The following DNAJC14 variants were observed in gnomAD, a reference collection of about 807,000 sequenced individuals.
DNAJC14 encodes the protein DnaJ heat shock protein family (Hsp40) member C14.
In DNAJC14, 12 loss-of-function variants were observed where a neutral mutation model predicts 68.8. The observed-to-expected ratio is 0.17, with a 90% CI of 0.11 to 0.28. DNAJC14 has a LOEUF of 0.28. Ranked by LOEUF, DNAJC14 falls within the 10% of genes least tolerant of loss-of-function variation. The pLI, the probability that DNAJC14 is intolerant of heterozygous loss-of-function variation, is 1.00. For synonymous variants in DNAJC14, 350 were observed against 321.5 expected, an observed-to-expected ratio of 1.09 and a Z score of -0.95; for missense variants, 764 against 875.6, an observed-to-expected ratio of 0.87 and a Z score of 1.61.
chr12:55,825,884 G>A (rs1880782290), intron 2 of DNAJC14, among the ~76,000 whole-genome samples: 1 of 152,094 alleles, frequency 6.6e-6, no homozygotes, highest in African/African-American at 2.4e-5. Context: ...ATATTTTCAT[G>A]TATGACATAC....
Position 55,822,363 on chromosome 12 carries a change from T to TA in DNAJC14, c.1898+9dup, listed in dbSNP as rs1381659761. ...ATAGTGGATAGATTATTGACAGAAATACCACCTACCTCTGCCGCCCTCTGG... is the reference window on the plus strand; with the variant it reads ...ATAGTGGATAGATTATTGACAGAAATAACCACCTACCTCTGCCGCCCTCTGG... On this transcript the variant is annotated intron_variant, in intron 6 of 6. Transcript: ENST00000678005. The TA allele has an allele frequency of 6.2e-7, 1 of 1,609,974 alleles. No homozygotes were observed. Among genetic ancestry groups the TA allele is most frequent in the African/African-American group, 1.3e-5 (1 of 74,802 alleles).
chr12:55,827,268 C>T lies in DNAJC14; in HGVS notation c.1391G>A (p.Arg464Lys). ...GGTACTCACCATCACTGCCAGCTGT[C>T]TATAGGCCTTCTTCAGTTCAACATC... ...ASDVELKKAYRQLAVMVHPDK... is the reference protein window; with the variant it reads ...ASDVELKKAYKQLAVMVHPDK... The change falls in exon 2 of 7, where the codon AGA (arginine) becomes AAA (lysine). Residue 464 changes from arginine to lysine, a missense_variant. This residue lies in a region of DNAJC14 where 110 missense variants were observed against 162.7 expected (regional missense o/e 0.68). Coordinates refer to ENST00000678005, the MANE Select transcript of DNAJC14 (RefSeq NM_032364.6). 3.2e-6 allele frequency: 5 copies of T among 1,544,592 alleles called. No individual in the cohort carries two copies. Among genetic ancestry groups the T allele is most frequent in the Non-Finnish European group, 4.4e-6 (5 of 1,144,080 alleles).
intron 2 of DNAJC14, among the ~76,000 whole-genome samples, chr12:55,826,105 G>A (rs1474866952): frequency 2.0e-5 from 3 of 151,918 alleles, no homozygotes; most frequent in Non-Finnish European, 4.4e-5. Context: ...AAGAGCAACT[G>A]AGGTGCTCTC....
In DNAJC14 at chr12:55,828,105, C is replaced by T. The variant is rs776292014; in HGVS notation, c.554G>A (p.Arg185His). The T allele has an allele frequency of 2.5e-6, 4 of 1,600,328 alleles. No homozygotes were observed. The highest frequency in any genetic ancestry group is 2.3e-5 in the South Asian group (2 of 88,826). The change falls in exon 2 of 7, where the codon CGT (arginine) becomes CAT (histidine). Residue 185 changes from arginine to histidine, a missense_variant. By Grantham distance (29) the Arg-to-His change is conservative. Coordinates refer to ENST00000678005, the MANE Select transcript of DNAJC14 (RefSeq NM_032364.6). ...TGGGGGTTTCTTTCCGCTGGACACA[C>T]GTGAAAAATCACTGGGGAACTTGAG... ...ESLKFPSDFS[R>H]VSSGKKPPSR...
chr12:55,823,536 A>G (rs1010018032), intron 2 of DNAJC14, 28 bp from the exon 3 acceptor site: 1 of 1,589,220 alleles, frequency 6.3e-7, no homozygotes, highest in Admixed American at 1.7e-5. Flanking sequence ...TTTCATTACA[A>G]ATCCATTCCA....
intron 2 of DNAJC14, among the ~76,000 whole-genome samples, chr12:55,825,386 TATATTC>T (rs1178995953): frequency 3.3e-5 from 5 of 152,126 alleles, no homozygotes; most frequent in African/African-American, 9.7e-5. Flanking sequence ...ACACCTTACT[TATATTC>T]ATAATAGTTT....
chr12:55,822,820 G>A, intron 4 of DNAJC14, 88 bp from the exon 5 acceptor site: 1 of 1,516,482 alleles, frequency 6.6e-7, no homozygotes, highest in Non-Finnish European at 8.9e-7. Context: ...CACAAATAGG[G>A]CTGAAACATC....
chr12:55,824,541 T>C (rs7316533), intron 2 of DNAJC14, among the ~76,000 whole-genome samples: 5,347 of 152,242 alleles, frequency 0.035, 156 homozygotes, highest in Non-Finnish European at 0.054. Flanking sequence ...CCCAAGCTAA[T>C]TGAACAGCCT....
chr12:55,827,531 A>G lies in DNAJC14; in HGVS notation c.1128T>C (p.Arg376=), dbSNP rs1880829630. The G allele has an allele frequency of 1.9e-6, 3 of 1,606,182 alleles. No individual in the cohort carries two copies. Among genetic ancestry groups the G allele is most frequent in the Non-Finnish European group, 2.6e-6 (3 of 1,173,288 alleles). ...TGCTATCTCTCAGCAGAGTCAAGCA[A>G]CGCTGCAAGGCTGGAGAATCCAGCC... The part of the protein sequence containing the change: ...FSWLDSPALQ[R]CLTLLRDSRP... Residue 376 remains arginine, a synonymous_variant, in exon 2 of 7, where the codon CGT becomes CGC. Coordinates refer to ENST00000678005, the MANE Select transcript of DNAJC14 (RefSeq NM_032364.6).
chr12:55,825,877 T>G (rs1880782218), intron 2 of DNAJC14, among the ~76,000 whole-genome samples: 1 of 152,122 alleles, frequency 6.6e-6, no homozygotes. Context: ...AGCAACCATA[T>G]TTTCATGTAT....
Position 55,822,068 on chromosome 12 carries a change from G to A in DNAJC14, c.2018C>T (p.Ala673Val). The A allele has an allele frequency of 1.9e-6, 3 of 1,614,158 alleles. No homozygotes were observed. The highest frequency in any genetic ancestry group is 2.5e-6 in the Non-Finnish European group (3 of 1,180,010). ...GCTGTTGGGCTTAGAGGCTGCAGCGGCTCCAGGGGCAGGCTGAGGAGCTGC... is the reference window on the plus strand; with the variant it reads ...GCTGTTGGGCTTAGAGGCTGCAGCGACTCCAGGGGCAGGCTGAGGAGCTGC... ...FFAAPQPAPG[A>V]AAASKPNSTV... Residue 673 changes from alanine to valine, a missense_variant, in exon 7 of 7, where the codon GCC becomes GTC. By Grantham distance (64) the Ala-to-Val change is moderately conservative. Around this residue, in one of 4 missense-constraint regions of DNAJC14, gnomAD observed 134 missense variants for 162.3 expected, o/e 0.83. Transcript: ENST00000678005.
chr12:55,822,716 G>A lies in DNAJC14; in HGVS notation c.1651C>T (p.Arg551Trp), dbSNP rs534529653. 3.7e-6 allele frequency: 6 copies of A among 1,613,954 alleles called. No homozygotes were observed. Among genetic ancestry groups the A allele is most frequent in the African/African-American group, 1.3e-5 (1 of 74,978 alleles). ...QGKHRRFEMD[R>W]EPKSARYCAE... ...CAGTATCTGGCACTCTTAGGTTCCCGGTCCATTTCAAACCTCCTGCAACCA... is the reference window on the plus strand; with the variant it reads ...CAGTATCTGGCACTCTTAGGTTCCCAGTCCATTTCAAACCTCCTGCAACCA... The change falls in exon 5 of 7, where the codon CGG (arginine) becomes TGG (tryptophan). Residue 551 changes from arginine to tryptophan, a missense_variant. Arg to Trp is a moderately radical substitution (Grantham distance 101, BLOSUM62 -3). Transcript: ENST00000678005.
rs778687290 is a variant in DNAJC14, at chr12:55,821,933, C to T, written c.*44G>A. The T allele has an allele frequency of 1.3e-6, 2 of 1,565,174 alleles. No individual in the cohort carries two copies. The highest frequency in any genetic ancestry group is 1.7e-6 in the Non-Finnish European group (2 of 1,152,726). On this transcript the variant is annotated 3_prime_UTR_variant, in exon 7 of 7. Transcript: ENST00000678005. Reference sequence around the variant, plus strand: ...AATCAAACTCCATCCTGTGCTACAGCCCTTTTGACTCCCTGACATTGATTT... The same window carrying T: ...AATCAAACTCCATCCTGTGCTACAGTCCTTTTGACTCCCTGACATTGATTT...
In DNAJC14 at chr12:55,827,619, C is replaced by T. The variant is rs78207997; in HGVS notation, c.1040G>A (p.Arg347Gln). ...CCGGTCACCTAGTCCCACCAGAAAC[C>T]GCCATCCCAACTGTAGAAAGCCCAA... Reference protein sequence around the residue: ...LFLGFLQLGWRFLVGLGDRLG... With the variant: ...LFLGFLQLGWQFLVGLGDRLG... Residue 347 changes from arginine (R) to glutamine (Q), a missense_variant, in exon 2 of 7, where the codon CGG becomes CAG. Physicochemically the swap from Arg to Gln is conservative, Grantham distance 43. Around this residue, in one of 4 missense-constraint regions of DNAJC14, gnomAD observed 514 missense variants for 521.7 expected, o/e 0.99. Coordinates refer to ENST00000678005, the MANE Select transcript of DNAJC14 (RefSeq NM_032364.6). 3.1e-4 allele frequency: 505 copies of T among 1,610,058 alleles called. 2 individuals carry two copies. The African/African-American group carries it at 3.8e-3, about 12-fold the overall frequency.
chr12:55,826,257 G>A (rs1256186890), intron 2 of DNAJC14, among the ~76,000 whole-genome samples: 1 of 151,096 alleles, frequency 6.6e-6, no homozygotes, highest in African/African-American at 2.4e-5. Flanking sequence ...ATCCCATAGT[G>A]GAGGGGAAAA....
chr12:55,827,386 C>G lies in DNAJC14; in HGVS notation c.1273G>C (p.Glu425Gln). ...PVASGRYCQPEEEVARLLTMA... is the reference protein window; with the variant it reads ...PVASGRYCQPQEEVARLLTMA... ...GTCAAGAGTCGAGCCACTTCCTCTT[C>G]AGGCTGGCAGTAGCGCCCACTAGCT... Residue 425 changes from glutamate to glutamine, a missense_variant, in exon 2 of 7, where the codon GAA becomes CAA. By Grantham distance (29) the Glu-to-Gln change is conservative. This residue lies in a region of DNAJC14 where 514 missense variants were observed against 521.7 expected (regional missense o/e 0.99). Coordinates refer to ENST00000678005, the MANE Select transcript of DNAJC14 (RefSeq NM_032364.6). The G allele has an allele frequency of 6.2e-7, 1 of 1,613,812 alleles. No homozygotes were observed. The highest frequency in any genetic ancestry group is 1.3e-5 in the African/African-American group (1 of 74,972).
At chr12:55,828,971 AC>A (rs1425730802) in intron 1 of DNAJC14, among the ~76,000 whole-genome samples, 1 of 152,164 alleles carries the variant, frequency 6.6e-6, no homozygotes, top group Non-Finnish European at 1.5e-5. Flanking sequence ...ACAGGGAGGT[AC>A]CGTAAAGGGT....
Position 55,823,229 on chromosome 12 carries a change from G to C in DNAJC14, c.1515-40C>G, listed in dbSNP as rs190610992. On this transcript the variant is annotated intron_variant, in intron 3 of 6. Coordinates refer to ENST00000678005, the MANE Select transcript of DNAJC14 (RefSeq NM_032364.6). ...GCTTTGTAAGTCAGAAGGTATTGAG[G>C]GAGGGACAAAGGAAGACATATCAGT... 1.1e-5 allele frequency: 18 copies of C among 1,613,444 alleles called. No homozygotes were observed. In the African/African-American group the frequency reaches 2.1e-4, roughly 19 times the overall value.
chr12:55,824,727 T>C (rs1880749095), intron 2 of DNAJC14, among the ~76,000 whole-genome samples: 1 of 152,184 alleles, frequency 6.6e-6, no homozygotes, highest in Admixed American at 6.5e-5. Context: ...GAATTTTTGT[T>C]AAGAATAATA....
Sources: allele counts gnomAD v4.1 joint callset (sites outside exome capture counted in the v4.1 genomes callset), GRCh38; gene constraint gnomAD v4.1.1; regional missense constraint gnomAD v4.1.1; transcripts MANE v1.5; gene names NCBI Gene and HGNC (gene_info 2026-07-23, HGNC 2026-07-21).